Variants in ZNF716 observed in about 807,000 individuals in gnomAD.
The protein encoded by ZNF716 is zinc finger protein 716.
ZNF716 carries 9 observed loss-of-function variants against 13.4 expected under a neutral mutation model. That is an observed-to-expected ratio of 0.67 (90% CI 0.41 to 1.18). The LOEUF is 1.18. ZNF716 is among the 50% of genes most tolerant of loss of function. The probability of loss-of-function intolerance (pLI) is 0.01; values close to 1 mark genes in which losing one functional copy is unlikely to be tolerated. For synonymous variants in ZNF716, 186 were observed against 195.2 expected (o/e 0.95, Z 0.39); for missense variants, 581 against 576.6 (o/e 1.01, Z -0.08).
At chr7:57,460,974 T>TTA (rs72572273) in intron 1 of ZNF716, among the ~76,000 whole-genome samples, 11 of 151,770 alleles carry the variant, frequency 7.2e-5, no homozygotes, top group African/African-American at 2.2e-4. Flanking sequence ...GATTTTTTTT[T>TTA]ATAATTAAAT....
rs555604445 is a variant in ZNF716 at position 57,459,914 on chromosome 7, C to A, written c.40-2546C>A. Among the ~76,000 whole-genome samples, 105 of 152,206 alleles carry A rather than the reference C, an allele frequency of 6.9e-4. 1 individual carries two copies. Among genetic ancestry groups the A allele is most frequent in the Non-Finnish European group, 1.2e-4 (8 of 68,030 alleles). ...ATGGGTGAATGTTTTCTGCAAGTCTCGGTCTTTCTGCCCGTGGGTGTGTGT... is the reference window on the plus strand; with the variant it reads ...ATGGGTGAATGTTTTCTGCAAGTCTAGGTCTTTCTGCCCGTGGGTGTGTGT... On this transcript the variant is annotated intron_variant, in intron 1 of 3. Coordinates refer to ENST00000420713, the MANE Select transcript of ZNF716 (RefSeq NM_001159279.1).
chr7:57,456,219 G>T (rs560538787), intron 1 of ZNF716, among the ~76,000 whole-genome samples: 61 of 152,136 alleles, frequency 4.0e-4, no homozygotes, highest in African/African-American at 1.4e-3. Flanking sequence ...TTCCCAACGT[G>T]CTGGGATTAC....
intron 3 of ZNF716, among the ~76,000 whole-genome samples, chr7:57,467,088 C>T (rs1171285258): frequency 2.0e-5 from 1 of 50,280 alleles, no homozygotes; most frequent in African/African-American, 1.8e-4. Context: ...TTTAGAAAAC[C>T]TCTTAATTTA....
In ZNF716 at chr7:57,469,252, C is replaced by G. The variant is rs1240790934; in HGVS notation, c.791C>G (p.Thr264Ser). Residue 264 changes from threonine to serine, a missense_variant, in exon 4 of 4, where the codon ACT (threonine) becomes AGT (serine). By Grantham distance (58) the Thr-to-Ser change is moderately conservative (BLOSUM62 1). Coordinates refer to ENST00000420713, the MANE Select transcript of ZNF716 (RefSeq NM_001159279.1). ...ASLTKHKRIH[T>S]GEKPYTCEER... ...CTTACTAAACATAAGAGAATTCATA[C>G]TGGAGAGAAACCTTACACATGTGAA... 1 of 1,611,680 alleles carries G rather than the reference C, an allele frequency of 6.2e-7. No individual in the cohort carries two copies. The highest frequency in any genetic ancestry group is 2.2e-5 in the East Asian group (1 of 44,694).
chr7:57,455,016 A>G (rs1247521965), intron 1 of ZNF716, among the ~76,000 whole-genome samples: 2 of 149,456 alleles, frequency 1.3e-5, no homozygotes, highest in Non-Finnish European at 3.0e-5. Context: ...ACAGAGCAAG[A>G]CTCCCTCTCA....
At chr7:57,457,631 A>G (rs1179103368) in intron 1 of ZNF716, among the ~76,000 whole-genome samples, 3 of 152,162 alleles carry the variant, frequency 2.0e-5, no homozygotes, top group African/African-American at 7.2e-5. Context: ...GTCATGAGCC[A>G]CCACACCCAG....
Position 57,470,094 on chromosome 7 carries a change from T to A in ZNF716, c.*145T>A. The A allele has an allele frequency of 1.3e-6, 1 of 798,300 alleles. No individual in the cohort carries two copies. Among genetic ancestry groups the A allele is most frequent in the Non-Finnish European group, 1.9e-6 (1 of 537,778 alleles). The allele number at this position is 798,300 out of a possible 1,614,324, so 49.5% of individuals were successfully genotyped here. A position where few individuals can be genotyped will look rare whatever the true frequency, so the allele number is the denominator to read the frequency against. ...TAAGATAATTCATATTGGACAAAAG[T>A]CTTATAAATGTAAAAAAAAAAGTAA... On this transcript the variant is annotated 3_prime_UTR_variant, in exon 4 of 4. Transcript: ENST00000420713.
chr7:57,454,757 G>A (rs1181043555), intron 1 of ZNF716, among the ~76,000 whole-genome samples: 5 of 152,184 alleles, frequency 3.3e-5, no homozygotes, highest in African/African-American at 1.2e-4. Context: ...GGGAGTGGTG[G>A]CTCATGCCTG....
chr7:57,468,666 A>C (rs1789855684), intron 3 of ZNF716, 58 bp from the exon 4 acceptor site: 5 of 1,519,250 alleles, frequency 3.3e-6, no homozygotes, highest in Non-Finnish European at 3.5e-6. Flanking sequence ...TTTGATTTGC[A>C]AAATATATTT....
At position 57,450,240 on chromosome 7, in the gene ZNF716, T is replaced by C; in HGVS notation, c.-49T>C. ...TTCACTGCTCTGCGTCCTCTGCTCC[T>C]GGAGGCCAAGCCTCTGTGGCCTTGT... On this transcript the variant is annotated 5_prime_UTR_variant, in exon 1 of 4. Coordinates refer to ENST00000420713, the MANE Select transcript of ZNF716 (RefSeq NM_001159279.1). 2 of 1,613,136 alleles carry C rather than the reference T, an allele frequency of 1.2e-6. No individual in the cohort carries two copies. Among genetic ancestry groups the C allele is most frequent in the Non-Finnish European group, 1.7e-6 (2 of 1,179,404 alleles).
intron 1 of ZNF716, among the ~76,000 whole-genome samples, chr7:57,452,948 G>A (rs1285121542): frequency 6.6e-6 from 1 of 152,058 alleles, no homozygotes; most frequent in African/African-American, 2.4e-5. Context: ...AGCCTTCCAA[G>A]AGAGCAAATG....
chr7:57,466,380 A>G (rs1380351442), intron 3 of ZNF716, among the ~76,000 whole-genome samples: 2 of 152,018 alleles, frequency 1.3e-5, no homozygotes, highest in Non-Finnish European at 2.9e-5. Context: ...CTCCAGTGTT[A>G]GATGTGGGGC....
chr7:57,463,571 A>T (rs1156509614), intron 3 of ZNF716, among the ~76,000 whole-genome samples: 2 of 152,104 alleles, frequency 1.3e-5, no homozygotes, highest in African/African-American at 4.8e-5. Flanking sequence ...TTTCTGTTTC[A>T]TTGGAGGTTG....
At chr7:57,457,221 T>A (rs1554322261) in intron 1 of ZNF716, among the ~76,000 whole-genome samples, 1 of 152,200 alleles carries the variant, frequency 6.6e-6, no homozygotes, top group Non-Finnish European at 1.5e-5. Context: ...CACTTGATCA[T>A]AGTCTAATCT....
chr7:57,471,560 T>C lies in ZNF716; in HGVS notation c.*1611T>C, dbSNP rs146268883. 1.2e-4 allele frequency: 18 copies of C among 152,360 alleles called. No individual in the cohort carries two copies. The East Asian group carries it at 3.3e-3, about 28-fold the overall frequency. 9.4% of individuals were successfully genotyped at this position (152,360 alleles called of 1,614,324 possible). ...GTACCTTTATTTGTATTACGGATTT[T>C]ATTGTACACATTTTATATCAAAGGA... On this transcript the variant is annotated 3_prime_UTR_variant, in exon 4 of 4. Transcript: ENST00000420713.
Position 57,473,202 on chromosome 7 carries a change from A to G in ZNF716, c.*3253A>G, listed in dbSNP as rs1352282052. On this transcript the variant is annotated 3_prime_UTR_variant, in exon 4 of 4. Transcript: ENST00000420713. ...AAACAAAAACAGACTTTTAGTTTCA[A>G]TTTACATAGAGTTACATATACAAAT... 1 of 152,170 alleles carries G rather than the reference A, an allele frequency of 6.6e-6. No homozygotes were observed. The highest frequency in any genetic ancestry group is 1.5e-5 in the Non-Finnish European group (1 of 68,026). 9.4% of individuals were successfully genotyped at this position (152,170 alleles called of 1,614,324 possible).
chr7:57,465,734 G>A (rs567730593), intron 3 of ZNF716, among the ~76,000 whole-genome samples: 17 of 152,218 alleles, frequency 1.1e-4, no homozygotes, highest in African/African-American at 2.4e-4. Flanking sequence ...ACATGCACAC[G>A]TATGTTTATT....
At chr7:57,465,294 C>T (rs1789785090) in intron 3 of ZNF716, among the ~76,000 whole-genome samples, 1 of 151,880 alleles carries the variant, frequency 6.6e-6, no homozygotes, top group Non-Finnish European at 1.5e-5. Flanking sequence ...GCCAGTTATA[C>T]TTTTTTTCTT....
chr7:57,469,410 A>T lies in ZNF716; in HGVS notation c.949A>T (p.Ile317Phe), dbSNP rs781893166. 3.7e-6 allele frequency: 6 copies of T among 1,613,862 alleles called. No homozygotes were observed. Among genetic ancestry groups the T allele is most frequent in the Admixed American group, 1.7e-5 (1 of 59,930 alleles). ...TTCAACACTTACTAACCACAAGAGAATTCATACTGGAGAGAGACCCTACAA... is the reference window on the plus strand; with the variant it reads ...TTCAACACTTACTAACCACAAGAGATTTCATACTGGAGAGAGACCCTACAA... Reference protein sequence around the residue: ...RSSTLTNHKRIHTGERPYKCE... With the variant: ...RSSTLTNHKRFHTGERPYKCE... Residue 317 changes from isoleucine to phenylalanine, a missense_variant, in exon 4 of 4, where the codon ATT becomes TTT. Physicochemically the swap from Ile to Phe is conservative, Grantham distance 21. Transcript: ENST00000420713.
Sources: gnomAD v4.1 joint callset for allele counts (sites outside exome capture counted in the v4.1 genomes callset) on GRCh38, gnomAD v4.1.1 for gene constraint, MANE v1.5 for transcripts, NCBI Gene and HGNC (gene_info 2026-07-23, HGNC 2026-07-21) for gene names.